The following MEF2C variants were observed in gnomAD, a reference collection of about 807,000 sequenced individuals.
The protein encoded by MEF2C is myocyte enhancer factor 2C.
MEF2C carries 6 observed loss-of-function variants against 50.5 expected under a neutral mutation model. That is an observed-to-expected ratio of 0.12 (90% confidence interval 0.07 to 0.23). MEF2C has a LOEUF of 0.23. MEF2C is among the 10% of genes least tolerant of loss of function. The probability of loss-of-function intolerance (pLI) is 1.00; values close to 1 mark genes in which losing one functional copy is unlikely to be tolerated. For synonymous variants in MEF2C, 183 were observed against 228.0 expected (o/e 0.80, Z 1.78); for missense variants, 276 against 605.0 (o/e 0.46, Z 5.70).
upstream of MEF2C, among the ~76,000 whole-genome samples, chr5:88,887,774 T>C (rs72773823): frequency 7.2e-5 from 11 of 152,342 alleles, no homozygotes; most frequent in African/African-American, 2.4e-4. Context: ...ATAATAATCT[T>C]TAACATAAAT....
At chr5:88,782,927 C>T (rs1002748749) in intron 3 of MEF2C, among the ~76,000 whole-genome samples, 2 of 152,148 alleles carry the variant, frequency 1.3e-5, no homozygotes, top group African/African-American at 4.8e-5. Flanking sequence ...TGCCATCTTT[C>T]TTATATCTTT....
chr5:88,849,008 G>A (rs373850762), intron 1 of MEF2C, among the ~76,000 whole-genome samples: 203 of 151,720 alleles, frequency 1.3e-3, no homozygotes, highest in East Asian at 7.9e-3. Context: ...AAAATTCGCC[G>A]GGCATGGTGG....
At chr5:88,767,543 A>G (rs888492338) in intron 3 of MEF2C, among the ~76,000 whole-genome samples, 1 of 152,230 alleles carries the variant, frequency 6.6e-6, no homozygotes, top group Non-Finnish European at 1.5e-5. Context: ...AAAAATTTTA[A>G]TAAAAAGTTG....
chr5:88,862,626 A>G (rs1320929796), intron 1 of MEF2C, among the ~76,000 whole-genome samples: 2 of 152,046 alleles, frequency 1.3e-5, no homozygotes, highest in African/African-American at 2.4e-5. Context: ...TCTCCTCTAT[A>G]TAAAGTATTC....
intron 1 of MEF2C, among the ~76,000 whole-genome samples, chr5:88,874,242 A>G (rs1308362375): frequency 6.6e-6 from 1 of 151,976 alleles, no homozygotes; most frequent in Middle Eastern, 3.2e-3. Flanking sequence ...TTCTATTTTA[A>G]AATTTCTATT....
rs1162465418 is a variant in MEF2C, at chr5:88,720,796, A to T, written c.*1808T>A. 3.9e-5 allele frequency: 6 copies of T among 152,422 alleles called. No homozygotes were observed. The highest frequency in any genetic ancestry group is 7.2e-5 in the African/African-American group (3 of 41,410). The allele number at this position is 152,422 out of a possible 1,614,324, so 9.4% of individuals were successfully genotyped here. ...ATATTAGACAAGAGTCATTTTTTTT[A>T]AATTAAAAAAAGGGACATAGAGAGG... On this transcript the variant is annotated 3_prime_UTR_variant, in exon 11 of 11. Transcript: ENST00000504921.
chr5:88,790,895 AAAAC>A (rs1343315971), intron 3 of MEF2C, among the ~76,000 whole-genome samples: 1 of 152,184 alleles, frequency 6.6e-6, no homozygotes, highest in Non-Finnish European at 1.5e-5. Context: ...AGACAAAACA[AAAAC>A]AAACCCCCCA....
chr5:88,741,565 A>C, intron 6 of MEF2C: 2 of 985,362 alleles, frequency 2.0e-6, no homozygotes, highest in Non-Finnish European at 2.4e-6. Flanking sequence ...GAGCCAACTA[A>C]AGATTCAGTT....
intron 3 of MEF2C, among the ~76,000 whole-genome samples, chr5:88,790,045 T>G (rs947131334): frequency 1.3e-5 from 2 of 152,220 alleles, no homozygotes; most frequent in Non-Finnish European, 2.9e-5. Context: ...GGACTCAGCA[T>G]CTTCCTTAAC....
Position 88,747,314 on chromosome 5 carries a change from A to AT in MEF2C, c.637+1755dup, listed in dbSNP as rs72065967. Reference sequence around the variant, plus strand: ...CTGAGTAGGCCATGTTTTCCTCCACATTTTTTTTTTTTTTACTACTTTTTT... The same window carrying AT: ...CTGAGTAGGCCATGTTTTCCTCCACATTTTTTTTTTTTTTTACTACTTTTTT... On this transcript the variant is annotated intron_variant, in intron 6 of 10. Transcript: ENST00000504921. Among the ~76,000 whole-genome samples, 64 of 22,194 alleles carry AT rather than the reference A, an allele frequency of 2.9e-3. 10 individuals are homozygous for AT. The highest frequency in any genetic ancestry group is 0.023 in the East Asian group (8 of 354). The allele number at this position is 22,194 out of a possible 152,430, so 14.6% of individuals were successfully genotyped here.
intron 7 of MEF2C, 46 bp from the exon 8 acceptor site, chr5:88,730,280 T>C: frequency 6.4e-7 from 1 of 1,553,086 alleles, no homozygotes. Context: ...TCCGTAAATA[T>C]TTATAATTGG....
At chr5:88,885,683 AAATT>A (rs1485658204), upstream of MEF2C, among the ~76,000 whole-genome samples, 1 of 152,232 alleles carries the variant, frequency 6.6e-6, no homozygotes, top group Non-Finnish European at 1.5e-5. Flanking sequence ...GGTAAAAATA[AAATT>A]AATTTTCTTC....
intron 1 of MEF2C, among the ~76,000 whole-genome samples, chr5:88,891,547 C>T (rs989613698): frequency 3.3e-5 from 5 of 151,908 alleles, no homozygotes; most frequent in Admixed American, 6.6e-5. Flanking sequence ...GGACTACAGG[C>T]GTCCACCACC....
At chr5:88,793,655 A>G (rs1794794067) in intron 3 of MEF2C, among the ~76,000 whole-genome samples, 1 of 152,050 alleles carries the variant, frequency 6.6e-6, no homozygotes, top group Non-Finnish European at 1.5e-5. Context: ...GTACATATAT[A>G]TTTATTTACT....
Position 88,729,258 on chromosome 5 carries a change from C to A in MEF2C, c.924G>T (p.Met308Ile). 6.2e-7 allele frequency: 1 copy of A among 1,613,276 alleles called. No homozygotes were observed. Among genetic ancestry groups the A allele is most frequent in the Non-Finnish European group, 8.5e-7 (1 of 1,179,444 alleles). ...TTGAAATGGCTGATGGATATCCTCC[C>A]ATTCCTTGTCCTGGTAAAGTAGGAG... ...VATPTLPGQG[M>I]GGYPSAISTT... The change falls in exon 9 of 11, where the codon ATG (methionine) becomes ATT (isoleucine). Residue 308 changes from methionine to isoleucine, a missense_variant. Transcript: ENST00000504921.
At chr5:88,860,882 G>A (rs530773807) in intron 1 of MEF2C, among the ~76,000 whole-genome samples, 24 of 152,190 alleles carry the variant, frequency 1.6e-4, no homozygotes, top group African/African-American at 4.3e-4. Flanking sequence ...GTTGGCCTCT[G>A]GCTAATACCC....
chr5:88,771,455 CT>C (rs1580417439), intron 3 of MEF2C: 2 of 985,420 alleles, frequency 2.0e-6, no homozygotes, highest in East Asian at 2.3e-4. Flanking sequence ...GTAGAAGGCA[CT>C]CAGGAACTCC....
Position 88,728,613 on chromosome 5 carries a change from C to G in MEF2C, c.980G>C (p.Ser327Thr), listed in dbSNP as rs796052726. 14 of 1,498,164 alleles carry G rather than the reference C, an allele frequency of 9.3e-6. No individual in the cohort carries two copies. The African/African-American group carries it at 1.7e-4, about 18-fold the overall frequency. The allele number at this position is 1,498,164 out of a possible 1,614,324, so 92.8% of individuals were successfully genotyped here. The change falls in exon 10 of 11, where the codon AGT becomes ACT. Residue 327 changes from serine (S) to threonine (T), a missense_variant. Ser to Thr is a moderately conservative substitution (Grantham distance 58). This residue lies in a region of MEF2C where 256 missense variants were observed against 468.1 expected (regional missense o/e 0.55). Coordinates refer to ENST00000504921, the MANE Select transcript of MEF2C (RefSeq NM_002397.5). The stretch of plus-strand genomic sequence containing the variant: ...CCCAGACAGAGATGACAGGTCTGCA[C>G]TACTCAGAGAGTACTCTAGATTAAA... ...TTYGTEYSLSSADLSSLSGFN... is the reference protein window; with the variant it reads ...TTYGTEYSLSTADLSSLSGFN...
At chr5:88,801,278 C>T (rs1188970706) in intron 3 of MEF2C, among the ~76,000 whole-genome samples, 1 of 152,100 alleles carries the variant, frequency 6.6e-6, no homozygotes, top group African/African-American at 2.4e-5. Flanking sequence ...CCTCATTAAA[C>T]TTATTCAGTT....
Sources: allele counts gnomAD v4.1 joint callset (sites outside exome capture counted in the v4.1 genomes callset), GRCh38; gene constraint gnomAD v4.1.1; regional missense constraint gnomAD v4.1.1; transcripts MANE v1.5; gene names NCBI Gene and HGNC (gene_info 2026-07-23, HGNC 2026-07-21).